The following ZBTB46 variants were observed in gnomAD, a reference collection of about 807,000 sequenced individuals.
ZBTB46 encodes the protein zinc finger and BTB domain containing 46.
A neutral mutation model predicts 44.1 loss-of-function variants in ZBTB46; 8 were observed. The observed-to-expected ratio is 0.18, with a 90% CI of 0.11 to 0.33. The LOEUF (loss-of-function observed/expected upper bound fraction) is 0.33. Among genes scored for constraint, ZBTB46 ranks in the 10% least tolerant of loss-of-function variants. The pLI, the probability that ZBTB46 is intolerant of heterozygous loss-of-function variation, is 1.00. For synonymous variants in ZBTB46, 409 were observed against 382.3 expected (o/e 1.07, Z -0.81); for missense variants, 651 against 847.7 (o/e 0.77, Z 2.88).
At chr20:63,754,569 T>C (rs1277761918) in intron 3 of ZBTB46, among the ~76,000 whole-genome samples, 1 of 151,962 alleles carries the variant, frequency 6.6e-6, no homozygotes, top group East Asian at 1.9e-4. Flanking sequence ...GTGATGGGGA[T>C]TATAGGTGTG....
chr20:63,827,276 C>T (rs73325354), intron 1 of ZBTB46, among the ~76,000 whole-genome samples: 2,323 of 152,298 alleles, frequency 0.015, 62 homozygotes, highest in African/African-American at 0.053. Flanking sequence ...TAGGAAACCC[C>T]GAGTGTCTCC....
At chr20:63,822,648 C>T (rs1479071356) in intron 1 of ZBTB46, among the ~76,000 whole-genome samples, 2 of 152,238 alleles carry the variant, frequency 1.3e-5, no homozygotes, top group Middle Eastern at 3.4e-3. Flanking sequence ...ACTGACCACA[C>T]GGCGAGCACA....
intron 3 of ZBTB46, among the ~76,000 whole-genome samples, chr20:63,761,781 C>A (rs1232954194): frequency 5.6e-3 from 709 of 126,186 alleles, no homozygotes; most frequent in African/African-American, 7.2e-3. Context: ...GACTCTGCCT[C>A]AAAAAAAAAA....
rs2092662800 is a variant in ZBTB46, at chr20:63,803,539, A to T, written c.-33-12749T>A. Reference sequence around the variant, plus strand: ...TGTGGCCATCTGAAGATGCAAAGCCATGTCTGCCGGCCCCGGGCTGCCCAG... The same window carrying T: ...TGTGGCCATCTGAAGATGCAAAGCCTTGTCTGCCGGCCCCGGGCTGCCCAG... On this transcript the variant is annotated intron_variant, in intron 1 of 4. Coordinates refer to ENST00000245663, the MANE Select transcript of ZBTB46 (RefSeq NM_001369741.1). This position sits in a 1 kb window ranked among gnomAD's most constrained non-coding sequence, Gnocchi z 4.0. 1 of 983,154 alleles carries T rather than the reference A, an allele frequency of 1.0e-6. No homozygotes were observed. The allele number at this position is 983,154 out of a possible 1,614,324, so 60.9% of individuals were successfully genotyped here.
At chr20:63,789,569 G>A (rs931570203) in intron 2 of ZBTB46, among the ~76,000 whole-genome samples, 2 of 152,202 alleles carry the variant, frequency 1.3e-5, no homozygotes, top group South Asian at 2.1e-4. Context: ...GGCAGCCCCC[G>A]TGTGTGGGTG....
chr20:63,795,016 G>C (rs1171952297), intron 1 of ZBTB46, among the ~76,000 whole-genome samples: 1 of 152,212 alleles, frequency 6.6e-6, no homozygotes, highest in Admixed American at 6.5e-5. Context: ...TCTCCAAAGA[G>C]TGGGTGCTGC....
At chr20:63,773,035 C>G (rs1459033105) in intron 3 of ZBTB46, among the ~76,000 whole-genome samples, 1 of 152,166 alleles carries the variant, frequency 6.6e-6, no homozygotes, top group Non-Finnish European at 1.5e-5. Flanking sequence ...CAAGGTCAGA[C>G]CTGGCACCAC....
intron 1 of ZBTB46, among the ~76,000 whole-genome samples, chr20:63,795,195 T>G (rs970512590): frequency 6.6e-6 from 1 of 152,172 alleles, no homozygotes; most frequent in Non-Finnish European, 1.5e-5. Context: ...AATCTCAAGA[T>G]CCTTCCCTTC....
At chr20:63,831,460 G>C, upstream of ZBTB46, among the ~76,000 whole-genome samples, 1 of 144,438 alleles carries the variant, frequency 6.9e-6, no homozygotes, top group East Asian at 2.0e-4. Flanking sequence ...GGCTCCCGGC[G>C]CCGCGCCGCG....
chr20:63,795,837 T>C (rs946161014), intron 1 of ZBTB46, among the ~76,000 whole-genome samples: 1 of 152,170 alleles, frequency 6.6e-6, no homozygotes, highest in Non-Finnish European at 1.5e-5. Flanking sequence ...CGAATGCGCA[T>C]AGGAACGGCC....
intron 1 of ZBTB46, among the ~76,000 whole-genome samples, chr20:63,798,949 G>A (rs2092623834): frequency 6.6e-6 from 1 of 152,084 alleles, no homozygotes; most frequent in Admixed American, 6.6e-5. Flanking sequence ...AGGGCTCTGG[G>A]GAAGACAAAG....
chr20:63,754,115 C>G (rs1480256131), intron 3 of ZBTB46, among the ~76,000 whole-genome samples: 1 of 152,218 alleles, frequency 6.6e-6, no homozygotes, highest in Non-Finnish European at 1.5e-5. Context: ...GGCCAAGACA[C>G]AGAAAACCCC....
intron 1 of ZBTB46, among the ~76,000 whole-genome samples, chr20:63,815,876 A>C (rs543627905): frequency 7.4e-6 from 1 of 135,472 alleles, no homozygotes; most frequent in African/African-American, 2.9e-5. Context: ...GCGCAGGTCC[A>C]GTGGGTGCAG....
intron 3 of ZBTB46, among the ~76,000 whole-genome samples, chr20:63,763,258 GTCCTTTATGCTTTTTGTTCTTATTCC>G (rs910729337): frequency 2.0e-5 from 3 of 152,014 alleles, no homozygotes; most frequent in African/African-American, 7.2e-5. Context: ...TTTTTTATTT[GTCCTTTATGCTTTTTGTTCTTATTCC>G]TCCTTTCTTG....
chr20:63,774,862 C>T (rs1411931705), intron 3 of ZBTB46, among the ~76,000 whole-genome samples: 4 of 151,936 alleles, frequency 2.6e-5, no homozygotes, highest in African/African-American at 9.7e-5. Flanking sequence ...CGCCACCACG[C>T]CCGGCTAATT....
At chr20:63,762,845 T>C (rs62217845) in intron 3 of ZBTB46, among the ~76,000 whole-genome samples, 77,103 of 151,414 alleles carry the variant, frequency 0.51, 20,493 homozygotes, top group African/African-American at 0.64. Context: ...AGTGTTTGCT[T>C]GATTCATCTT....
chr20:63,754,798 A>G (rs796390175), intron 3 of ZBTB46, among the ~76,000 whole-genome samples: 2 of 151,136 alleles, frequency 1.3e-5, no homozygotes, highest in African/African-American at 4.9e-5. Flanking sequence ...ACGGGGTTTC[A>G]CCGTGTTAGC....
chr20:63,755,114 A>C (rs985471662), intron 3 of ZBTB46, among the ~76,000 whole-genome samples: 5 of 152,246 alleles, frequency 3.3e-5, no homozygotes, highest in Non-Finnish European at 5.9e-5. Flanking sequence ...CCGTGAGAAT[A>C]AACGCCACGG....
chr20:63,816,852 C>T (rs1014375565), intron 1 of ZBTB46, among the ~76,000 whole-genome samples: 14 of 152,290 alleles, frequency 9.2e-5, no homozygotes, highest in Middle Eastern at 3.4e-3. Flanking sequence ...CGCCTGTAAT[C>T]CCAGCACTTT....
Sources: gnomAD v4.1 joint callset for allele counts (sites outside exome capture counted in the v4.1 genomes callset) on GRCh38, gnomAD v4.1.1 for gene constraint, Gnocchi (gnomAD v3.1) non-coding constraint, MANE v1.5 for transcripts, NCBI Gene and HGNC (gene_info 2026-07-23, HGNC 2026-07-21) for gene names.